Variants in EIF3D observed in about 807,000 individuals in gnomAD.
The protein encoded by EIF3D is eIF3 p66.
Under a neutral mutation model 75.4 loss-of-function variants are expected in EIF3D, and 10 were observed. That is an observed-to-expected ratio of 0.13 (90% CI 0.08 to 0.22). The LOEUF (loss-of-function observed/expected upper bound fraction) is 0.22, where lower values mean the gene tolerates loss of function less well. EIF3D is among the 10% of genes least tolerant of loss of function. The pLI, the probability that EIF3D is intolerant of heterozygous loss-of-function variation, is 1.00. For synonymous variants in EIF3D, 246 were observed against 248.3 expected, an observed-to-expected ratio of 0.99 and a Z score of 0.09; for missense variants, 394 against 708.0, an observed-to-expected ratio of 0.56 and a Z score of 5.03.
intron 4 of EIF3D, 38 bp downstream of exon 4, chr22:36,524,558 C>T (rs1934565725): frequency 1.2e-6 from 2 of 1,611,924 alleles, no homozygotes. Context: ...CCAACAGTAA[C>T]AGCCCCAAGA....
chr22:36,523,279 T>C lies in EIF3D; in HGVS notation c.395A>G (p.Glu132Gly). Residue 132 changes from glutamate to glycine, a missense_variant and splice_region_variant, in exon 6 of 15, where the codon GAA (glutamate) becomes GGA (glycine). By Grantham distance (98) the Glu-to-Gly change is moderately conservative. Transcript: ENST00000216190. Reference sequence around the variant, plus strand: ...GAACTTTTTCTGCAGTCGAATGCGTTCTCTGGAAAGACAGACATATGATCT... The same window carrying C: ...GAACTTTTTCTGCAGTCGAATGCGTCCTCTGGAAAGACAGACATATGATCT... ...LPKSAKQKER[E>G]RIRLQKKFQK... 6.2e-7 allele frequency: 1 copy of C among 1,612,932 alleles called. No individual in the cohort carries two copies. Among genetic ancestry groups the C allele is most frequent in the Non-Finnish European group, 8.5e-7 (1 of 1,179,272 alleles).
At chr22:36,511,271 C>T in intron 14 of EIF3D, 1 of 890,158 alleles carries the variant, frequency 1.1e-6, no homozygotes, top group South Asian at 1.8e-5. Context: ...TCTTCCTCTA[C>T]CTCTGCCACA....
chr22:36,525,828 C>T, intron 2 of EIF3D, 119 bp from the exon 3 acceptor site: 1 of 1,460,220 alleles, frequency 6.8e-7, no homozygotes, highest in East Asian at 2.3e-5. Flanking sequence ...GTTCACAACA[C>T]CTCTGTAAGT....
intron 4 of EIF3D, among the ~76,000 whole-genome samples, chr22:36,524,322 C>G (rs1934562154): frequency 2.0e-5 from 3 of 152,192 alleles, no homozygotes; most frequent in African/African-American, 7.2e-5. Flanking sequence ...GTAACAGGCA[C>G]AGGTGCACCT....
Position 36,511,011 on chromosome 22 carries a change from C to G in EIF3D, c.1634-11G>C, listed in dbSNP as rs757692040. 1.2e-6 allele frequency: 2 copies of G among 1,606,658 alleles called. No homozygotes were observed. Among genetic ancestry groups the G allele is most frequent in the Non-Finnish European group, 1.7e-6 (2 of 1,177,744 alleles). On this transcript the variant is annotated splice_polypyrimidine_tract_variant and intron_variant, in intron 14 of 14. Coordinates refer to ENST00000216190, the MANE Select transcript of EIF3D (RefSeq NM_003753.4). ...TTTAAGTTTCTTCCTCTGAAAGACA[C>G]AAAAAATGTAAGAGAAATGAGCCAG... is the stretch of plus-strand genomic sequence containing the variant.
intron 1 of EIF3D, 59 bp from the exon 2 acceptor site, chr22:36,526,190 C>T (rs1185280200): frequency 4.0e-6 from 6 of 1,485,192 alleles, no homozygotes; most frequent in Non-Finnish European, 5.4e-6. Flanking sequence ...GTACAAAACA[C>T]CCTCCATATG....
At chr22:36,525,559 TG>T in intron 3 of EIF3D, 104 bp downstream of exon 3, 1 of 1,238,790 alleles carries the variant, frequency 8.1e-7, no homozygotes, top group African/African-American at 1.5e-5. Flanking sequence ...GAATTATTGT[TG>T]GCAGTTTCTT....
chr22:36,527,097 C>T (rs6000293), intron 1 of EIF3D, among the ~76,000 whole-genome samples: 111,127 of 152,192 alleles, frequency 0.73, 41,649 homozygotes, highest in East Asian at 0.93. Context: ...GCAGTGCAAG[C>T]GGACATAAAG....
chr22:36,526,163 T>C, intron 1 of EIF3D, 32 bp from the exon 2 acceptor site: 2 of 1,565,320 alleles, frequency 1.3e-6, no homozygotes, highest in African/African-American at 2.7e-5. Context: ...AGTAGCGGCA[T>C]GAACGAAGGC....
intron 1 of EIF3D, among the ~76,000 whole-genome samples, chr22:36,527,949 C>G (rs78769944): frequency 0.012 from 1,845 of 152,300 alleles, 39 homozygotes; most frequent in African/African-American, 0.041. Flanking sequence ...GACAGCAACA[C>G]AGGATGAACC....
At chr22:36,524,988 C>G (rs118051874) in intron 3 of EIF3D, among the ~76,000 whole-genome samples, 6 of 152,324 alleles carry the variant, frequency 3.9e-5, no homozygotes, top group Admixed American at 6.5e-5. Context: ...AGCCAAGAAT[C>G]TGAAGGACTC....
rs1453539294 is a variant in EIF3D at position 36,525,664 on chromosome 22, T to C, written c.169A>G (p.Asn57Asp). The C allele has an allele frequency of 6.2e-7, 1 of 1,613,000 alleles. No individual in the cohort carries two copies. The highest frequency in any genetic ancestry group is 8.5e-7 in the Non-Finnish European group (1 of 1,179,756). The change falls in exon 3 of 15, where the codon AAT (asparagine) becomes GAT (aspartate). Residue 57 changes from asparagine (N) to aspartate (D), a missense_variant and splice_region_variant. Asn to Asp is a conservative substitution (Grantham distance 23). Transcript: ENST00000216190. ...GATYQDKRYT[N>D]KYSSQFGGGS... ...GGCATTCAGTTGCAGAAACACTTAC[T>C]TGTGTACCTCTTATCTTGGTATGTG...
intron 1 of EIF3D, among the ~76,000 whole-genome samples, chr22:36,526,420 A>T (rs746343895): frequency 6.6e-6 from 1 of 152,154 alleles, no homozygotes; most frequent in African/African-American, 2.4e-5. Context: ...TGTGTTTGAC[A>T]GGGTGTTGTA....
At chr22:36,518,954 G>A (rs1603498880) in intron 8 of EIF3D, 44 bp from the exon 9 acceptor site, 2 of 1,605,580 alleles carry the variant, frequency 1.2e-6, no homozygotes, top group Admixed American at 3.3e-5. Context: ...ACACTCCCAG[G>A]TCTCACTGCC....
chr22:36,518,289 G>A (rs1295150489), intron 9 of EIF3D, among the ~76,000 whole-genome samples: 1 of 151,410 alleles, frequency 6.6e-6, no homozygotes, highest in East Asian at 1.9e-4. Flanking sequence ...CCAGGAGTTC[G>A]AGACCAGCCT....
intron 12 of EIF3D, among the ~76,000 whole-genome samples, chr22:36,515,776 C>T (rs930522241): frequency 3.3e-5 from 5 of 151,876 alleles, no homozygotes; most frequent in South Asian, 4.1e-4. Context: ...GACGGCAAAA[C>T]GACACAGGCA....
chr22:36,518,947 C>T (rs746876406), intron 8 of EIF3D, 37 bp from the exon 9 acceptor site: 1 of 1,607,188 alleles, frequency 6.2e-7, no homozygotes, highest in African/African-American at 1.3e-5. Flanking sequence ...TGGAAAGACA[C>T]TCCCAGGTCT....
chr22:36,524,828 G>T, intron 3 of EIF3D, 96 bp from the exon 4 acceptor site: 1 of 1,510,826 alleles, frequency 6.6e-7, no homozygotes, highest in Non-Finnish European at 9.1e-7. Context: ...GTGGTCTTGA[G>T]ACCTGTAGCA....
intron 1 of EIF3D, chr22:36,526,994 A>G (rs1934614896): frequency 7.0e-6 from 1 of 143,380 alleles, no homozygotes; most frequent in African/African-American, 3.0e-5. Context: ...ATGTATATAG[A>G]GTGCTGAGAA....
Sources: gnomAD v4.1 joint callset for allele counts (sites outside exome capture counted in the v4.1 genomes callset) on GRCh38, gnomAD v4.1.1 for gene constraint, MANE v1.5 for transcripts, NCBI Gene and HGNC (gene_info 2026-07-23, HGNC 2026-07-21) for gene names.